CFAP58: variants seen among roughly 807,000 people sequenced by gnomAD.
CFAP58 encodes cilia- and flagella-associated protein 58.
A neutral mutation model predicts 119.5 loss-of-function variants in CFAP58; 88 were observed. The observed-to-expected ratio is 0.74, with a 90% CI of 0.62 to 0.88. CFAP58 has a LOEUF of 0.88. CFAP58 is among the 40% of genes least tolerant of loss of function. The pLI, the probability that CFAP58 is intolerant of heterozygous loss-of-function variation, is 0.00. For synonymous variants in CFAP58, 365 were observed against 366.3 expected (o/e 1.00, Z 0.04); for missense variants, 990 against 1,021.2 (o/e 0.97, Z 0.42).
chr10:104,417,557 A>G (rs1020015411), intron 15 of CFAP58, among the ~76,000 whole-genome samples: 6 of 152,216 alleles, frequency 3.9e-5, no homozygotes. Context: ...TTCGTATGAA[A>G]GTCTAGAGTG....
At chr10:104,360,385 CAGGAAACTT>C (rs547475148) in intron 2 of CFAP58, among the ~76,000 whole-genome samples, 111 of 151,102 alleles carry the variant, frequency 7.3e-4, no homozygotes, top group African/African-American at 2.3e-3. Context: ...TGGGAGGCCT[CAGGAAACTT>C]ACAGTCATGG....
chr10:104,442,966 T>G (rs1465762776), intron 15 of CFAP58, among the ~76,000 whole-genome samples: 3 of 152,244 alleles, frequency 2.0e-5, no homozygotes, highest in Non-Finnish European at 4.4e-5. Flanking sequence ...CCTGTATTGA[T>G]GTATGTTGGT....
intron 15 of CFAP58, among the ~76,000 whole-genome samples, chr10:104,409,935 TAATGCTCAAAAA>T (rs2133054242): frequency 6.6e-6 from 1 of 152,320 alleles, no homozygotes; most frequent in African/African-American, 2.4e-5. Context: ...TGATTTTTTG[TAATGCTCAAAAA>T]AATTCTATCA....
Position 104,403,511 on chromosome 10 carries a change from C to CTTTT in CFAP58, c.2040-203_2040-200dup, listed in dbSNP as rs572839157. ...TGACTCTGACTCTGAAGCCCTGGCA[C>CTTTT]TTTTTTTTTTTTTTTTTTGAAAGCT... On this transcript the variant is annotated intron_variant, in intron 13 of 17. Coordinates refer to ENST00000369704, the MANE Select transcript of CFAP58 (RefSeq NM_001008723.2). 2.0e-3 allele frequency among the ~76,000 whole-genome samples: 266 copies of CTTTT among 133,098 alleles called. 6 individuals are homozygous for CTTTT. The Middle Eastern group carries it at 0.028, about 14-fold the overall frequency. The allele number at this position is 133,098 out of a possible 152,430, so 87.3% of individuals were successfully genotyped here.
chr10:104,436,219 T>C (rs1323634272), intron 15 of CFAP58, among the ~76,000 whole-genome samples: 5 of 152,222 alleles, frequency 3.3e-5, no homozygotes, highest in Non-Finnish European at 7.3e-5. Context: ...TTTGAAATGT[T>C]CTGTTTTATA....
At chr10:104,347,389 A>C in the CFAP58 span, among the ~76,000 whole-genome samples, 1 of 152,098 alleles carries the variant, frequency 6.6e-6, no homozygotes, top group Non-Finnish European at 1.5e-5. Flanking sequence ...GGAGAAGATT[A>C]AAGGAATAAA....
At chr10:104,357,836 TACACATATGTAC>T (rs1219957048) in intron 1 of CFAP58, among the ~76,000 whole-genome samples, 3 of 74,154 alleles carry the variant, frequency 4.0e-5, no homozygotes, top group African/African-American at 1.9e-4. Context: ...CACATATATG[TACACATATGTAC>T]ACATATATAC....
At chr10:104,441,084 C>G (rs1564905784) in intron 15 of CFAP58, among the ~76,000 whole-genome samples, 1 of 152,184 alleles carries the variant, frequency 6.6e-6, no homozygotes, top group Non-Finnish European at 1.5e-5. Context: ...CTCACTGCAG[C>G]CTCTGCCTCC....
intron 10 of CFAP58, among the ~76,000 whole-genome samples, chr10:104,392,894 G>A (rs1451924580): frequency 6.6e-6 from 1 of 152,072 alleles, no homozygotes; most frequent in Non-Finnish European, 1.5e-5. Flanking sequence ...ACCTGCCTTG[G>A]CCTCCCAAAG....
At chr10:104,382,812 T>TC (rs1243149448) in intron 9 of CFAP58, among the ~76,000 whole-genome samples, 1 of 152,196 alleles carries the variant, frequency 6.6e-6, no homozygotes, top group African/African-American at 2.4e-5. Context: ...TCCTGAGGCT[T>TC]CCCCAGCCAG....
chr10:104,419,403 A>G (rs1589929623), intron 15 of CFAP58, among the ~76,000 whole-genome samples: 1 of 152,126 alleles, frequency 6.6e-6, no homozygotes, highest in African/African-American at 2.4e-5. Flanking sequence ...CAGGCATTGT[A>G]TCTTAGTGGT....
intron 3 of CFAP58, 77 bp downstream of exon 3, chr10:104,362,248 CA>C (rs1169505225): frequency 8.4e-6 from 11 of 1,302,494 alleles, no homozygotes; most frequent in African/African-American, 1.5e-5. Flanking sequence ...TGGGGCTTGC[CA>C]GTGTCTTCTT....
At chr10:104,399,995 G>T (rs943294179) in intron 12 of CFAP58, among the ~76,000 whole-genome samples, 1 of 152,158 alleles carries the variant, frequency 6.6e-6, no homozygotes, top group African/African-American at 2.4e-5. Context: ...CTGGCAGAGA[G>T]AAGTTGGTCA....
At position 104,447,795 on chromosome 10, in the gene CFAP58, A is replaced by T. The variant is rs777060639; in HGVS notation, c.2354A>T (p.His785Leu). 1 of 1,613,754 alleles carries T rather than the reference A, an allele frequency of 6.2e-7. No individual in the cohort carries two copies. Among genetic ancestry groups the T allele is most frequent in the Non-Finnish European group, 8.5e-7 (1 of 1,179,766 alleles). Residue 785 changes from histidine to leucine, a missense_variant, in exon 16 of 18, where the codon CAT becomes CTT. Coordinates refer to ENST00000369704, the MANE Select transcript of CFAP58 (RefSeq NM_001008723.2). ...CTGAAGCTGTACCGACGCACGCTGC[A>T]TGACAAGAAGCAGCAGCTGAAAGTA... Reference protein sequence around the residue: ...EQLKLYRRTLHDKKQQLKVLS... With the variant: ...EQLKLYRRTLLDKKQQLKVLS...
intron 15 of CFAP58, among the ~76,000 whole-genome samples, chr10:104,421,283 C>A (rs1196382161): frequency 6.6e-6 from 1 of 152,118 alleles, no homozygotes; most frequent in African/African-American, 2.4e-5. Context: ...TTTTACTAGC[C>A]CCCTTCTAAG....
chr10:104,422,137 GCACTC>G (rs2012669695), intron 15 of CFAP58, among the ~76,000 whole-genome samples: 1 of 152,106 alleles, frequency 6.6e-6, no homozygotes, highest in Non-Finnish European at 1.5e-5. Flanking sequence ...TCACTCCACT[GCACTC>G]CAGCCTGGGC....
At chr10:104,419,562 C>T (rs1164800150) in intron 15 of CFAP58, among the ~76,000 whole-genome samples, 4 of 143,164 alleles carry the variant, frequency 2.8e-5, no homozygotes, top group Admixed American at 1.4e-4. Context: ...TATCTGTGTC[C>T]TTTTTTTTTT....
Position 104,363,023 on chromosome 10 carries a change from C to T in CFAP58, c.440+852C>T, listed in dbSNP as rs576678918. Among the ~76,000 whole-genome samples, 8 of 152,294 alleles carry T rather than the reference C, an allele frequency of 5.3e-5. No individual in the cohort carries two copies. In the East Asian group the frequency reaches 1.5e-3, roughly 29 times the overall value. ...ATTCTCCCCATGGTCAACTTTTATG[C>T]CTTCTTTAAGACCCATCTCAAACAC... is the stretch of plus-strand genomic sequence containing the variant. On this transcript the variant is annotated intron_variant, in intron 3 of 17. Transcript: ENST00000369704.
At chr10:104,401,919 A>G (rs1169888125) in intron 13 of CFAP58, among the ~76,000 whole-genome samples, 1 of 152,198 alleles carries the variant, frequency 6.6e-6, no homozygotes, top group Non-Finnish European at 1.5e-5. Flanking sequence ...TTTGGAGACA[A>G]ATGGATTCAT....
Sources: allele counts gnomAD v4.1 joint callset (sites outside exome capture counted in the v4.1 genomes callset), GRCh38; gene constraint gnomAD v4.1.1; transcripts MANE v1.5; gene names NCBI Gene and HGNC (gene_info 2026-07-23, HGNC 2026-07-21).